Variants in FRMPD2 observed in about 807,000 individuals in gnomAD.
The protein encoded by FRMPD2 is FERM and PDZ domain containing 2.
FRMPD2 carries 96 observed loss-of-function variants against 140.1 expected under a neutral mutation model. The observed-to-expected ratio is 0.69, with a 90% CI of 0.58 to 0.81. FRMPD2 has a LOEUF of 0.81. FRMPD2 is among the 40% of genes least tolerant of loss of function. The probability of loss-of-function intolerance (pLI) is 0.00; values close to 1 mark genes in which losing one functional copy is unlikely to be tolerated. For missense variants in FRMPD2, 1,240 were observed against 1,447.4 expected, an observed-to-expected ratio of 0.86 and a Z score of 2.32; for synonymous variants, 449 against 547.6, an observed-to-expected ratio of 0.82 and a Z score of 2.52.
intron 1 of FRMPD2, among the ~76,000 whole-genome samples, chr10:48,261,267 C>A (rs925707095): frequency 3.6e-4 from 54 of 151,806 alleles, no homozygotes; most frequent in African/African-American, 1.3e-3. Flanking sequence ...TGATAACAGA[C>A]ACCAAACCAC....
chr10:48,235,841 G>A (rs942889902), intron 9 of FRMPD2, among the ~76,000 whole-genome samples: 25 of 152,136 alleles, frequency 1.6e-4, no homozygotes, highest in African/African-American at 6.0e-4. Context: ...CACACATGGG[G>A]CTCTGCAGGG....
At chr10:48,257,182 C>CTTTT (rs771272537) in intron 1 of FRMPD2, among the ~76,000 whole-genome samples, 2 of 144,196 alleles carry the variant, frequency 1.4e-5, no homozygotes, top group African/African-American at 5.0e-5. Flanking sequence ...ATCTCCCAGT[C>CTTTT]TTTTTTTTTT....
chr10:48,187,394 T>C (rs1838715307), intron 16 of FRMPD2, 102 bp from the exon 17 acceptor site: 3 of 913,100 alleles, frequency 3.3e-6, no homozygotes, highest in Admixed American at 2.0e-5. Flanking sequence ...CATTTCTGAG[T>C]ATGGATGATG....
intron 1 of FRMPD2, 80 bp from the exon 2 acceptor site, chr10:48,251,771 A>T: frequency 6.4e-7 from 1 of 1,563,578 alleles, no homozygotes; most frequent in South Asian, 1.1e-5. Context: ...ACTCTGGTGC[A>T]GCCAGGCATG....
In FRMPD2 at chr10:48,222,888, A is replaced by G. The variant is rs181543637; in HGVS notation, c.1316+235T>C. Among the ~76,000 whole-genome samples the G allele has an allele frequency of 4.3e-4, 66 of 152,280 alleles. No individual in the cohort carries two copies. The Middle Eastern group carries it at 0.014, about 31-fold the overall frequency. Reference sequence around the variant, plus strand: ...AGAGAATTTTGACCTTGAGTGGAGTATGTCTGAAACAAAGGGCATATTCTC... The same window carrying G: ...AGAGAATTTTGACCTTGAGTGGAGTGTGTCTGAAACAAAGGGCATATTCTC... On this transcript the variant is annotated intron_variant, in intron 11 of 28. Transcript: ENST00000374201.
intron 15 of FRMPD2, among the ~76,000 whole-genome samples, chr10:48,197,336 C>T (rs1378854082): frequency 6.6e-6 from 1 of 152,102 alleles, no homozygotes; most frequent in Non-Finnish European, 1.5e-5. Context: ...AGAAATGTTA[C>T]ACGCACACAC....
At chr10:48,255,173 A>T (rs1222703178) in intron 1 of FRMPD2, among the ~76,000 whole-genome samples, 1 of 151,968 alleles carries the variant, frequency 6.6e-6, no homozygotes, top group African/African-American at 2.4e-5. Context: ...TGACTCCACT[A>T]TCTGAAGGCT....
chr10:48,182,982 A>G (rs920288127), intron 20 of FRMPD2, among the ~76,000 whole-genome samples: 1 of 152,212 alleles, frequency 6.6e-6, no homozygotes, highest in Non-Finnish European at 1.5e-5. Context: ...AGATGTACTG[A>G]GGCCAGTCCC....
intron 1 of FRMPD2, among the ~76,000 whole-genome samples, chr10:48,267,399 G>A (rs1157143742): frequency 1.3e-5 from 2 of 152,204 alleles, no homozygotes; most frequent in Non-Finnish European, 2.9e-5. Context: ...GGGCTCAACA[G>A]CAGAATGGAG....
chr10:48,195,729 T>C (rs1838935595), intron 15 of FRMPD2, among the ~76,000 whole-genome samples: 1 of 152,216 alleles, frequency 6.6e-6, no homozygotes, highest in Non-Finnish European at 1.5e-5. Flanking sequence ...GTAAACTAAA[T>C]ATCAAAAATG....
chr10:48,227,222 GCT>G, intron 10 of FRMPD2, among the ~76,000 whole-genome samples: 1 of 152,242 alleles, frequency 6.6e-6, no homozygotes, highest in Non-Finnish European at 1.5e-5. Context: ...AACAGAAATC[GCT>G]CTTTTTTTTT....
intron 15 of FRMPD2, among the ~76,000 whole-genome samples, chr10:48,200,933 T>C (rs1425755193): frequency 2.6e-5 from 4 of 152,352 alleles, no homozygotes; most frequent in Admixed American, 1.3e-4. Context: ...TAAATGTCTA[T>C]CTACAAGTAA....
intron 10 of FRMPD2, among the ~76,000 whole-genome samples, chr10:48,229,191 C>A (rs1191606127): frequency 1.3e-5 from 2 of 151,992 alleles, no homozygotes; most frequent in Non-Finnish European, 2.9e-5. Flanking sequence ...AGAATAGTTT[C>A]TTGTGCTCTG....
intron 10 of FRMPD2, among the ~76,000 whole-genome samples, chr10:48,224,057 G>A (rs1839669945): frequency 6.6e-6 from 1 of 152,190 alleles, no homozygotes; most frequent in Non-Finnish European, 1.5e-5. Context: ...TGGTGTAAGT[G>A]GAGTCAATTT....
intron 23 of FRMPD2, among the ~76,000 whole-genome samples, chr10:48,175,389 T>C (rs1838381579): frequency 6.6e-6 from 1 of 152,054 alleles, no homozygotes; most frequent in South Asian, 2.1e-4. Context: ...AGTAAGATCC[T>C]AGGTTCCCCT....
At chr10:48,184,477 T>G in intron 20 of FRMPD2, 89 bp downstream of exon 20, 1 of 787,560 alleles carries the variant, frequency 1.3e-6, no homozygotes, top group Non-Finnish European at 2.2e-6. Context: ...AAGACCTACG[T>G]GGACTTCAAG....
At chr10:48,194,337 T>C (rs1838905111) in intron 15 of FRMPD2, among the ~76,000 whole-genome samples, 1 of 152,166 alleles carries the variant, frequency 6.6e-6, no homozygotes, top group African/African-American at 2.4e-5. Flanking sequence ...GACTCCACAG[T>C]CCACGCTGGA....
Position 48,212,008 on chromosome 10 carries a change from C to A in FRMPD2, c.1557G>T (p.Met519Ile), listed in dbSNP as rs373208856. Residue 519 changes from methionine to isoleucine, a missense_variant, in exon 13 of 29, where the codon ATG becomes ATT. By Grantham distance (10) the Met-to-Ile change is conservative. Coordinates refer to ENST00000374201, the MANE Select transcript of FRMPD2 (RefSeq NM_001018071.4). ...CCCACAGTGCAGAGCTGAGCCGGTG[C>A]ATCTCTGAGACTTCAACCTGGACCC... ...ALRVQVEVSE[M>I]HRLSSALWGE... 1 of 1,613,972 alleles carries A rather than the reference C, an allele frequency of 6.2e-7. No individual in the cohort carries two copies. The highest frequency in any genetic ancestry group is 8.5e-7 in the Non-Finnish European group (1 of 1,180,018).
At chr10:48,219,733 TTAAA>T (rs1458199365) in intron 12 of FRMPD2, among the ~76,000 whole-genome samples, 2 of 152,218 alleles carry the variant, frequency 1.3e-5, no homozygotes, top group Non-Finnish European at 2.9e-5. Context: ...CATCTGAACA[TTAAA>T]TAACAAGTTA....
Sources: allele counts gnomAD v4.1 joint callset (sites outside exome capture counted in the v4.1 genomes callset), GRCh38; gene constraint gnomAD v4.1.1; transcripts MANE v1.5; gene names NCBI Gene and HGNC (gene_info 2026-07-23, HGNC 2026-07-21).